The following NELL2 variants were observed in gnomAD, a reference collection of about 807,000 sequenced individuals.
The protein encoded by NELL2 is protein kinase C-binding protein NELL2.
NELL2 carries 41 observed loss-of-function variants against 109.6 expected under a neutral mutation model. The observed-to-expected ratio is 0.37, with a 90% CI of 0.29 to 0.49. The LOEUF is 0.49. Ranked by LOEUF, NELL2 falls within the 20% of genes least tolerant of loss-of-function variation. The probability of loss-of-function intolerance (pLI) is 0.98; values close to 1 mark genes in which losing one functional copy is unlikely to be tolerated. For synonymous variants in NELL2, 355 were observed against 344.7 expected (o/e 1.03, Z -0.33); for missense variants, 900 against 1,008.3 (o/e 0.89, Z 1.45).
intron 1 of NELL2, among the ~76,000 whole-genome samples, chr12:44,888,134 T>C (rs1463631853): frequency 2.0e-5 from 3 of 152,050 alleles, no homozygotes; most frequent in South Asian, 2.1e-4. Flanking sequence ...TTGTTGAAGA[T>C]GAATTGGCTC....
chr12:44,619,100 A>G (rs770431081), intron 13 of NELL2, among the ~76,000 whole-genome samples: 1 of 152,160 alleles, frequency 6.6e-6, no homozygotes, highest in Non-Finnish European at 1.5e-5. Flanking sequence ...CTGGGAAAGC[A>G]TTACATGGGA....
At chr12:44,519,936 C>A in intron 19 of NELL2, 69 bp downstream of exon 19, 3 of 1,341,040 alleles carry the variant, frequency 2.2e-6, no homozygotes, top group South Asian at 1.2e-5. Context: ...CCAGGTAGAG[C>A]ACATTATTAT....
chr12:44,524,376 G>A (rs1415783530), intron 16 of NELL2, among the ~76,000 whole-genome samples: 6 of 152,170 alleles, frequency 3.9e-5, no homozygotes, highest in Admixed American at 2.6e-4. Context: ...GGTATGAGTG[G>A]CAATAAGTAG....
intron 9 of NELL2, among the ~76,000 whole-genome samples, chr12:44,730,946 A>T (rs1354697873): frequency 6.6e-6 from 1 of 152,110 alleles, no homozygotes; most frequent in Non-Finnish European, 1.5e-5. Flanking sequence ...GAAATGTTAC[A>T]ACCAATACAC....
Position 44,876,300 on chromosome 12 carries a change from T to C in NELL2, c.-431A>G, listed in dbSNP as rs909216989. ...TCTTCCCCGCCGCCCGAACCTGTTG[T>C]AAAGGCAGAGACAATGGAGAAAGCT... On this transcript the variant is annotated 5_prime_UTR_variant, in exon 1 of 20. Coordinates refer to ENST00000429094, the MANE Select transcript of NELL2 (RefSeq NM_001145108.2). 7 of 1,158,736 alleles carry C rather than the reference T, an allele frequency of 6.0e-6. No individual in the cohort carries two copies. The African/African-American group carries it at 9.5e-5, about 16-fold the overall frequency. 71.8% of individuals were successfully genotyped at this position (1,158,736 alleles called of 1,614,324 possible).
At chr12:44,644,897 GA>G (rs1056667696) in intron 13 of NELL2, among the ~76,000 whole-genome samples, 39 of 151,232 alleles carry the variant, frequency 2.6e-4, no homozygotes, top group Admixed American at 4.0e-4. Context: ...CAGTTAGGAA[GA>G]AAAAAAAGTT....
At chr12:44,523,613 A>G (rs1941637907) in intron 16 of NELL2, 129 bp from the exon 17 acceptor site, 2 of 704,632 alleles carry the variant, frequency 2.8e-6, no homozygotes. Flanking sequence ...ACTGGCTTGC[A>G]TTTGTGATTA....
At chr12:44,712,239 G>T (rs982796279) in intron 10 of NELL2, among the ~76,000 whole-genome samples, 1 of 152,006 alleles carries the variant, frequency 6.6e-6, no homozygotes, top group East Asian at 1.9e-4. Flanking sequence ...GCTTAGATTT[G>T]TAGATTGAAT....
rs1942519025 is a variant in NELL2, at chr12:44,540,781, C to CAAAAAAGAAAAAAAAA, written c.1664-8061_1664-8060insTTTTTTTTTCTTTTTT. On this transcript the variant is annotated intron_variant, in intron 15 of 19. Coordinates refer to ENST00000429094, the MANE Select transcript of NELL2 (RefSeq NM_001145108.2). ...AGCTTACTAATGTAAGTCTGCAAGCCAAAAAAAAAAAAAAAAAGCCCATCC... is the reference window on the plus strand; with the variant it reads ...AGCTTACTAATGTAAGTCTGCAAGCCAAAAAAGAAAAAAAAAAAAAAAAAAAAAAAAAAGCCCATCC... Among the ~76,000 whole-genome samples the CAAAAAAGAAAAAAAAA allele has an allele frequency of 4.0e-5, 2 of 49,750 alleles. 1 individual carries two copies. The highest frequency in any genetic ancestry group is 6.8e-5 in the Non-Finnish European group (2 of 29,508). 32.6% of individuals were successfully genotyped at this position (49,750 alleles called of 152,430 possible).
At chr12:44,708,972 T>C (rs1938041540) in intron 11 of NELL2, among the ~76,000 whole-genome samples, 1 of 152,190 alleles carries the variant, frequency 6.6e-6, no homozygotes, top group East Asian at 1.9e-4. Flanking sequence ...TTTCATAATA[T>C]ATTAGGACTC....
intron 1 of NELL2, among the ~76,000 whole-genome samples, chr12:44,894,430 A>G (rs899363082): frequency 6.6e-6 from 1 of 152,210 alleles, no homozygotes; most frequent in African/African-American, 2.4e-5. Flanking sequence ...TTTTTATCTA[A>G]AGCAAGGTAA....
intron 15 of NELL2, among the ~76,000 whole-genome samples, chr12:44,605,270 G>A (rs1945357940): frequency 6.6e-6 from 1 of 152,152 alleles, no homozygotes; most frequent in Non-Finnish European, 1.5e-5. Flanking sequence ...CAGTATTTCT[G>A]TATGCAAATA....
intron 18 of NELL2, among the ~76,000 whole-genome samples, chr12:44,520,989 C>T (rs902616118): frequency 6.6e-6 from 1 of 152,134 alleles, no homozygotes; most frequent in Non-Finnish European, 1.5e-5. Flanking sequence ...AATAACCTCA[C>T]ACAAATAGAA....
intron 3 of NELL2, 23 bp from the exon 4 acceptor site, chr12:44,780,045 G>A (rs762425179): frequency 2.5e-6 from 4 of 1,606,546 alleles, no homozygotes; most frequent in Non-Finnish European, 3.4e-6. Context: ...GAGCCACATG[G>A]GACACATTAA....
intron 12 of NELL2, among the ~76,000 whole-genome samples, chr12:44,686,637 A>G (rs1948725318): frequency 6.6e-6 from 1 of 151,398 alleles, no homozygotes; most frequent in South Asian, 2.1e-4. Flanking sequence ...TCTAACAGAC[A>G]GGACCCTCAG....
At chr12:44,683,872 T>C (rs1948618328) in intron 12 of NELL2, among the ~76,000 whole-genome samples, 1 of 152,230 alleles carries the variant, frequency 6.6e-6, no homozygotes, top group South Asian at 2.1e-4. Context: ...GATATTGGTG[T>C]AAAATTCTCT....
chr12:44,706,468 T>C (rs1647929271), intron 11 of NELL2, among the ~76,000 whole-genome samples: 1 of 152,194 alleles, frequency 6.6e-6, no homozygotes, highest in African/African-American at 2.4e-5. Context: ...TCCATTCATA[T>C]GTGCTTGGCT....
intron 15 of NELL2, among the ~76,000 whole-genome samples, chr12:44,545,892 G>T: frequency 6.6e-6 from 1 of 152,044 alleles, no homozygotes; most frequent in East Asian, 1.9e-4. Flanking sequence ...TAATAGCAAA[G>T]ATTAGATTGA....
At chr12:44,769,977 G>A (rs1297707453) in intron 9 of NELL2, among the ~76,000 whole-genome samples, 2 of 152,102 alleles carry the variant, frequency 1.3e-5, no homozygotes, top group African/African-American at 4.8e-5. Flanking sequence ...CCACAATATT[G>A]AGGAAGAGAG....
Sources: gnomAD v4.1 joint callset for allele counts (sites outside exome capture counted in the v4.1 genomes callset) on GRCh38, gnomAD v4.1.1 for gene constraint, MANE v1.5 for transcripts, NCBI Gene and HGNC (gene_info 2026-07-23, HGNC 2026-07-21) for gene names.